Variants in SPAG9 observed in about 807,000 individuals in gnomAD.
SPAG9 encodes the protein C-Jun-amino-terminal kinase-interacting protein 4.
A neutral mutation model predicts 166.5 loss-of-function variants in SPAG9; 35 were observed. The ratio of observed to expected loss-of-function variants is 0.21; its 90% confidence interval spans 0.16 to 0.28. The LOEUF (loss-of-function observed/expected upper bound fraction) is 0.28, where lower values mean the gene tolerates loss of function less well. Ranked by LOEUF, SPAG9 falls within the 10% of genes least tolerant of loss-of-function variation. SPAG9 has a pLI of 1.00. For synonymous variants in SPAG9, 534 were observed against 565.5 expected (o/e 0.94, Z 0.79); for missense variants, 1,235 against 1,603.3 (o/e 0.77, Z 3.92).
Position 51,079,682 on chromosome 17 carries a change from G to A in SPAG9, c.326C>T (p.Ser109Phe), listed in dbSNP as rs766710721. 7.2e-5 allele frequency: 113 copies of A among 1,571,800 alleles called. No homozygotes were observed. The Admixed American group carries it at 1.9e-3, about 26-fold the overall frequency. ...AEEKFIEFED[S>F]QEQEKKDLQT... Reference sequence around the variant, plus strand: ...TAAGTCCTTTTTTTCCTGTTCTTGAGAGTCTTCAAATTCAATGAATTTCTA... The same window carrying A: ...TAAGTCCTTTTTTTCCTGTTCTTGAAAGTCTTCAAATTCAATGAATTTCTA... The change falls in exon 2 of 30, where the codon TCT becomes TTT. Residue 109 changes from serine to phenylalanine, a missense_variant. Coordinates refer to ENST00000262013, the MANE Select transcript of SPAG9 (RefSeq NM_001130528.3).
Position 51,120,807 on chromosome 17 carries a change from G to GGCCGGA in SPAG9, c.-157_-152dup. On this transcript the variant is annotated 5_prime_UTR_variant, in exon 1 of 30. Coordinates refer to ENST00000262013, the MANE Select transcript of SPAG9 (RefSeq NM_001130528.3). This position sits in a 1 kb window ranked among gnomAD's most constrained non-coding sequence, Gnocchi z 4.7. Reference sequence around the variant, plus strand: ...CTGGGCCCGGCGGGGTGGGGGCCGGGGCCGGAGGAGGGGAGGGGTGGCGTA... The same window carrying GGCCGGA: ...CTGGGCCCGGCGGGGTGGGGGCCGGGGCCGGAGCCGGAGGAGGGGAGGGGTGGCGTA... 1.9e-6 allele frequency: 1 copy of GGCCGGA among 516,062 alleles called. No homozygotes were observed. The highest frequency in any genetic ancestry group is 3.7e-5 in the East Asian group (1 of 26,996). The allele number at this position is 516,062 out of a possible 1,614,324, so 32.0% of individuals were successfully genotyped here.
chr17:50,982,718 C>A (rs766270901), intron 24 of SPAG9, 46 bp from the exon 25 acceptor site: 1 of 1,495,230 alleles, frequency 6.7e-7, no homozygotes, highest in African/African-American at 1.4e-5. Flanking sequence ...CCACCTGTTA[C>A]TCAATTTCAA....
rs1330795070 is a variant in SPAG9, at chr17:51,120,295, C to CT, written c.303+58_303+59insA. ...CTCTAGTCCCCGACCGGGCCGCGACCCCGCCCCGGCCGCCCCCGGAGACGG... is the reference window on the plus strand; with the variant it reads ...CTCTAGTCCCCGACCGGGCCGCGACCTCCGCCCCGGCCGCCCCCGGAGACGG... On this transcript the variant is annotated intron_variant, in intron 1 of 29. Coordinates refer to ENST00000262013, the MANE Select transcript of SPAG9 (RefSeq NM_001130528.3). This position sits in a 1 kb window ranked among gnomAD's most constrained non-coding sequence, Gnocchi z 4.7. The CT allele has an allele frequency of 7.0e-7, 1 of 1,424,940 alleles. No homozygotes were observed. The highest frequency in any genetic ancestry group is 2.5e-5 in the Admixed American group (1 of 39,418). The allele number at this position is 1,424,940 out of a possible 1,614,324, so 88.3% of individuals were successfully genotyped here.
At chr17:51,096,040 T>TATATATATATAGTG (rs1568084185) in intron 1 of SPAG9, among the ~76,000 whole-genome samples, 9 of 133,532 alleles carry the variant, frequency 6.7e-5, no homozygotes, top group African/African-American at 2.4e-4. Context: ...TATATAGTGA[T>TATATATATATAGTG]ATATATATAT....
chr17:51,054,332 A>G (rs971445578), intron 3 of SPAG9, among the ~76,000 whole-genome samples: 3 of 151,798 alleles, frequency 2.0e-5, no homozygotes, highest in African/African-American at 7.3e-5. Flanking sequence ...CATGTTGCCC[A>G]GGCTGGTCTC....
At chr17:50,985,799 C>T in intron 22 of SPAG9, 21 bp from the exon 23 acceptor site, 1 of 1,431,530 alleles carries the variant, frequency 7.0e-7, no homozygotes, top group Non-Finnish European at 9.8e-7. Flanking sequence ...AAAGTCAACA[C>T]TGGTAAGGCA....
At chr17:51,099,054 A>T (rs1348204934) in intron 1 of SPAG9, among the ~76,000 whole-genome samples, 4 of 147,462 alleles carry the variant, frequency 2.7e-5, no homozygotes, top group Non-Finnish European at 3.0e-5. Flanking sequence ...GAGCTGAGAT[A>T]GTGCCACTGC....
At chr17:51,016,139 G>A (rs2045689278) in intron 8 of SPAG9, 1 of 151,728 alleles carries the variant, frequency 6.6e-6, no homozygotes, top group African/African-American at 2.4e-5. Context: ...AACCCATATA[G>A]TTCTTTATCT....
rs552767692 is a variant in SPAG9 at position 51,118,518 on chromosome 17, G to A, written c.303+1836C>T. ...GGAGGGAGCATTTATTTTACGTGAG[G>A]TAAAAGGTCATGTCAGGCTTGCTTG... On this transcript the variant is annotated intron_variant, in intron 1 of 29. Transcript: ENST00000262013. Among the ~76,000 whole-genome samples, 4 of 152,272 alleles carry A rather than the reference G, an allele frequency of 2.6e-5. No homozygotes were observed. In the South Asian group the frequency reaches 8.3e-4, roughly 32 times the overall value.
chr17:51,109,225 A>ATTTCTT (rs1282133038), intron 1 of SPAG9, among the ~76,000 whole-genome samples: 1 of 151,188 alleles, frequency 6.6e-6, no homozygotes, highest in Non-Finnish European at 1.5e-5. Context: ...TCACATTTAA[A>ATTTCTT]TTTCTTTTTC....
intron 18 of SPAG9, 41 bp from the exon 19 acceptor site, chr17:50,993,976 A>C (rs768437907): frequency 6.5e-7 from 1 of 1,530,438 alleles, no homozygotes; most frequent in South Asian, 1.1e-5. Flanking sequence ...AACAATATGT[A>C]TGTACAAATA....
chr17:51,097,155 A>G (rs912504769), intron 1 of SPAG9, among the ~76,000 whole-genome samples: 10 of 152,240 alleles, frequency 6.6e-5, no homozygotes, highest in South Asian at 2.1e-4. Flanking sequence ...AGCTGAACAC[A>G]TGGAGGTTCC....
intron 1 of SPAG9, among the ~76,000 whole-genome samples, chr17:51,083,031 T>C (rs189243144): frequency 2.6e-5 from 4 of 152,230 alleles, no homozygotes; most frequent in African/African-American, 7.2e-5. Flanking sequence ...CTGACATCTT[T>C]TTCCAGCATA....
intron 11 of SPAG9, 125 bp downstream of exon 11, chr17:51,005,960 C>T (rs1011499851): frequency 9.3e-7 from 1 of 1,073,934 alleles, no homozygotes; most frequent in East Asian, 2.4e-5. Flanking sequence ...TTTGCCCTCT[C>T]CCAGGCAGCT....
chr17:51,048,754 T>A (rs186747025), intron 3 of SPAG9, among the ~76,000 whole-genome samples: 1 of 152,210 alleles, frequency 6.6e-6, no homozygotes, highest in Admixed American at 6.5e-5. Context: ...TGAACTCTGA[T>A]GCATGAAATA....
rs142337226 is a variant in SPAG9, at chr17:51,071,609, A to G, written c.424+7975T>C. 3.1e-3 allele frequency among the ~76,000 whole-genome samples: 471 copies of G among 152,328 alleles called. 3 individuals are homozygous for G. The highest frequency in any genetic ancestry group is 0.011 in the African/African-American group (445 of 41,600). ...ACCAAAAATTGTTAAAAAACATATT[A>G]TAGACTCAACTTTTCAACATTGTTA... On this transcript the variant is annotated intron_variant, in intron 2 of 29. Transcript: ENST00000262013.
rs139143625 is a variant in SPAG9, at chr17:50,996,645, G to A, written c.1888C>T (p.Arg630Cys). ...TTCTGAACATGTGCTTTTACCTGAC[G>A]ATACTGCTCTCTCTTTTGTTCTCTG... ...SRREQKREQY[R>C]QVKAHVQKED... Residue 630 changes from arginine (R) to cysteine (C), a missense_variant, in exon 16 of 30, where the codon CGT becomes TGT. This residue lies in a region of SPAG9 where 493 missense variants were observed against 559.4 expected (regional missense o/e 0.88). Transcript: ENST00000262013. 2.5e-6 allele frequency: 4 copies of A among 1,613,942 alleles called. No individual in the cohort carries two copies. The highest frequency in any genetic ancestry group is 1.3e-5 in the African/African-American group (1 of 74,908).
At chr17:51,036,134 T>C (rs186967044) in intron 5 of SPAG9, among the ~76,000 whole-genome samples, 1 of 152,278 alleles carries the variant, frequency 6.6e-6, no homozygotes, top group East Asian at 1.9e-4. Context: ...TTCTCTCTAT[T>C]GAACCCTTCT....
intron 1 of SPAG9, among the ~76,000 whole-genome samples, chr17:51,091,644 T>A (rs141246865): frequency 1.5e-3 from 221 of 151,914 alleles, no homozygotes; most frequent in Middle Eastern, 6.8e-3. Context: ...CTCACACACA[T>A]ACCCACTTTT....
Sources: allele counts gnomAD v4.1 joint callset (sites outside exome capture counted in the v4.1 genomes callset), GRCh38; gene constraint gnomAD v4.1.1; regional missense constraint gnomAD v4.1.1; non-coding constraint Gnocchi (gnomAD v3.1); transcripts MANE v1.5; gene names NCBI Gene and HGNC (gene_info 2026-07-23, HGNC 2026-07-21).